TRIM42: variants seen among roughly 807,000 people sequenced by gnomAD.
TRIM42 encodes tripartite motif containing 42.
Under a neutral mutation model 64.9 loss-of-function variants are expected in TRIM42, and 59 were observed. That is an observed-to-expected ratio of 0.91 (90% CI 0.74 to 1.13). TRIM42 has a LOEUF of 1.13. TRIM42 is among the 50% of genes most tolerant of loss of function. The pLI is 0.00. For synonymous variants in TRIM42, 354 were observed against 346.3 expected, an observed-to-expected ratio of 1.02 and a Z score of -0.25; for missense variants, 878 against 929.5, an observed-to-expected ratio of 0.94 and a Z score of 0.72.
chr3:140,691,046 A>G lies in TRIM42; in HGVS notation c.1939A>G (p.Asn647Asp), dbSNP rs1264341228. Residue 647 changes from asparagine (N) to aspartate (D), a missense_variant, in exon 4 of 5, where the codon AAC becomes GAC. By Grantham distance (23) the Asn-to-Asp change is conservative. Transcript: ENST00000286349. ...FYEVITSPPN[N>D]VQMELCGQIR... The stretch of plus-strand genomic sequence containing the variant: ...TGAAGTCATTACTTCTCCTCCTAAC[A>G]ACGTACAAATGGAGCTCTGTGGACA... 1.2e-6 allele frequency: 2 copies of G among 1,614,126 alleles called. No individual in the cohort carries two copies. Among genetic ancestry groups the G allele is most frequent in the Non-Finnish European group, 1.7e-6 (2 of 1,179,990 alleles).
Position 140,688,312 on chromosome 3 carries a change from A to C in TRIM42, c.1630A>C (p.Asn544His), listed in dbSNP as rs1172647171. 6.2e-7 allele frequency: 1 copy of C among 1,614,118 alleles called. No homozygotes were observed. ...QRSSSMLSFS[N>H]TDKKAKVGLE... ...AAGCTCCTCCATGTTGTCCTTCAGC[A>C]ACACTGACAAGAAGGCCAAGGTGGG... Residue 544 changes from asparagine to histidine, a missense_variant, in exon 3 of 5, where the codon AAC becomes CAC. Physicochemically the swap from Asn to His is moderately conservative, Grantham distance 68. Coordinates refer to ENST00000286349, the MANE Select transcript of TRIM42 (RefSeq NM_152616.5).
intron 4 of TRIM42, among the ~76,000 whole-genome samples, chr3:140,694,201 T>C (rs1192591531): frequency 6.6e-6 from 1 of 152,210 alleles, no homozygotes; most frequent in African/African-American, 2.4e-5. Flanking sequence ...GCTGAACTTT[T>C]ATTTTTTGAA....
At chr3:140,694,007 T>C (rs989624084) in intron 4 of TRIM42, among the ~76,000 whole-genome samples, 3 of 152,032 alleles carry the variant, frequency 2.0e-5, no homozygotes, top group Non-Finnish European at 4.4e-5. Context: ...ATTTTACAGA[T>C]AAGAAAAATG....
At chr3:140,679,060 C>CCT (rs944213002) in intron 1 of TRIM42, among the ~76,000 whole-genome samples, 1 of 151,732 alleles carries the variant, frequency 6.6e-6, no homozygotes, top group Non-Finnish European at 1.5e-5. Context: ...CAATACCCCC[C>CCT]CCATGATATT....
intron 3 of TRIM42, among the ~76,000 whole-genome samples, chr3:140,688,744 A>G (rs946143657): frequency 9.9e-5 from 15 of 152,236 alleles, no homozygotes; most frequent in African/African-American, 3.4e-4. Flanking sequence ...AGCTTAAACC[A>G]AACAGTCAAT....
chr3:140,689,913 C>T (rs1363429397), intron 3 of TRIM42, among the ~76,000 whole-genome samples: 1 of 151,740 alleles, frequency 6.6e-6, no homozygotes, highest in Non-Finnish European at 1.5e-5. Context: ...CAGAGGATTG[C>T]TAGTATCTGC....
Position 140,679,054 on chromosome 3 carries a change from A to ACCC in TRIM42, c.341+490_341+492dup, listed in dbSNP as rs61681806. Among the ~76,000 whole-genome samples the ACCC allele has an allele frequency of 4.7e-3, 707 of 150,806 alleles. 3 individuals are homozygous for ACCC. The highest frequency in any genetic ancestry group is 0.01 in the Middle Eastern group (3 of 292). ...TGCTGTATTGCAAAACGGAGACAATACCCCCCCCATGATATTGTAGATATA... is the reference window on the plus strand; with the variant it reads ...TGCTGTATTGCAAAACGGAGACAATACCCCCCCCCCCATGATATTGTAGATATA... On this transcript the variant is annotated intron_variant, in intron 1 of 4. Coordinates refer to ENST00000286349, the MANE Select transcript of TRIM42 (RefSeq NM_152616.5).
chr3:140,678,959 C>T lies in TRIM42; in HGVS notation c.341+389C>T, dbSNP rs556171381. 7.2e-5 allele frequency among the ~76,000 whole-genome samples: 11 copies of T among 152,208 alleles called. No homozygotes were observed. The East Asian group carries it at 2.1e-3, about 29-fold the overall frequency. On this transcript the variant is annotated intron_variant, in intron 1 of 4. Coordinates refer to ENST00000286349, the MANE Select transcript of TRIM42 (RefSeq NM_152616.5). ...TGATCCTTTGAGAAGTTAAGTAGCC[C>T]CAGGATCACACAGCTGGAAAGATAC...
At chr3:140,678,709 T>C in intron 1 of TRIM42, 139 bp downstream of exon 1, 1 of 681,418 alleles carries the variant, frequency 1.5e-6, no homozygotes, top group South Asian at 1.9e-5. Flanking sequence ...AAGAATTTTG[T>C]AGCAATTAAT....
At chr3:140,682,148 T>C (rs1254538220) in intron 1 of TRIM42, among the ~76,000 whole-genome samples, 1 of 152,228 alleles carries the variant, frequency 6.6e-6, no homozygotes, top group Non-Finnish European at 1.5e-5. Context: ...CTCAGCACAC[T>C]GGCTGTGTAC....
chr3:140,679,821 C>T (rs559313989), intron 1 of TRIM42, among the ~76,000 whole-genome samples: 4 of 152,228 alleles, frequency 2.6e-5, no homozygotes, highest in Non-Finnish European at 5.9e-5. Flanking sequence ...AGCTCCCCAA[C>T]GTTACTGTGC....
At chr3:140,688,595 T>C (rs1177941133) in intron 3 of TRIM42, 53 bp downstream of exon 3, 2 of 1,412,824 alleles carry the variant, frequency 1.4e-6, no homozygotes, top group Non-Finnish European at 1.9e-6. Context: ...GGGCACAGAG[T>C]AGAAGTGAGT....
At chr3:140,690,531 GTATATATA>G (rs56969249) in intron 3 of TRIM42, among the ~76,000 whole-genome samples, 3,130 of 102,706 alleles carry the variant, frequency 0.03, 58 homozygotes, top group African/African-American at 0.048. Flanking sequence ...AAGTTTTTAT[GTATATATA>G]TATATATATA....
At chr3:140,700,233 C>T (rs1300065381) in intron 4 of TRIM42, among the ~76,000 whole-genome samples, 1 of 152,158 alleles carries the variant, frequency 6.6e-6, no homozygotes, top group East Asian at 1.9e-4. Flanking sequence ...CTTCTTACCC[C>T]TCGTGCCCAG....
At position 140,687,833 on chromosome 3, in the gene TRIM42, G is replaced by C; in HGVS notation, c.1151G>C (p.Arg384Pro). 1.2e-6 allele frequency: 2 copies of C among 1,614,180 alleles called. No homozygotes were observed. Among genetic ancestry groups the C allele is most frequent in the Non-Finnish European group, 1.7e-6 (2 of 1,180,018 alleles). ...KEIRNGFLKL[R>P]SILQEKEKII... is the part of the protein sequence containing the mutation. ...ATCAGAAATGGCTTTCTCAAGTTGC[G>C]CAGCATTCTTCAGGAGAAAGAGAAG... The change falls in exon 3 of 5, where the codon CGC becomes CCC. Residue 384 changes from arginine (R) to proline (P), a missense_variant. Physicochemically the swap from Arg to Pro is moderately radical, Grantham distance 103. Transcript: ENST00000286349.
chr3:140,688,566 G>A, intron 3 of TRIM42, 24 bp downstream of exon 3: 1 of 1,570,896 alleles, frequency 6.4e-7, no homozygotes, highest in Non-Finnish European at 8.7e-7. Flanking sequence ...TGGGCCCAGT[G>A]GGGAAGTGGG....
Position 140,683,114 on chromosome 3 carries a change from G to T in TRIM42, c.994G>T (p.Glu332Ter). The T allele has an allele frequency of 6.2e-7, 1 of 1,614,132 alleles. No homozygotes were observed. Among genetic ancestry groups the T allele is most frequent in the Non-Finnish European group, 8.5e-7 (1 of 1,180,024 alleles). Residue 332 changes from glutamate to a stop codon, truncating the protein, a stop_gained, in exon 2 of 5, where the codon GAG becomes TAG. Transcript: ENST00000286349. LOFTEE classifies it high-confidence loss of function. Reference sequence around the variant, plus strand: ...CATTAGCCTCATCGACGCCTGCTCCGAGAGGGCCGCCTCACTCTTCAGCGC... The same window carrying T: ...CATTAGCCTCATCGACGCCTGCTCCTAGAGGGCCGCCTCACTCTTCAGCGC... ...DTISLIDACS[E>*]RAASLFSAIA... is the part of the protein sequence containing the mutation.
In TRIM42 at chr3:140,688,041, C is replaced by T. The variant is rs374228034; in HGVS notation, c.1359C>T (p.Ile453=). The change falls in exon 3 of 5, where the codon ATC becomes ATT. Residue 453 remains isoleucine (I), a synonymous_variant. Transcript: ENST00000286349. ...LQSAKILVDQ[I]EDGIQTTYRP... is the part of the protein sequence containing the mutation. The stretch of plus-strand genomic sequence containing the variant: ...CAGCCAAGATCCTGGTGGACCAGAT[C>T]GAGGACGGCATCCAGACCACCTACA... The T allele has an allele frequency of 2.0e-5, 32 of 1,614,046 alleles. No individual in the cohort carries two copies. Among genetic ancestry groups the T allele is most frequent in the East Asian group, 4.5e-5 (2 of 44,900 alleles).
chr3:140,691,312 A>G (rs564254096), intron 4 of TRIM42, 120 bp downstream of exon 4: 1 of 844,084 alleles, frequency 1.2e-6, no homozygotes, highest in Non-Finnish European at 1.9e-6. Context: ...CTAAGCACAG[A>G]ACATTTGTTA....
Sources: allele counts gnomAD v4.1 joint callset (sites outside exome capture counted in the v4.1 genomes callset), GRCh38; gene constraint gnomAD v4.1.1; transcripts MANE v1.5; gene names NCBI Gene and HGNC (gene_info 2026-07-23, HGNC 2026-07-21).